Variants in PLCXD1 observed in about 807,000 individuals in gnomAD.
The protein encoded by PLCXD1 is PI-PLC X domain-containing protein 1.
In PLCXD1, 45 loss-of-function variants were observed where a neutral mutation model predicts 37.8. The observed-to-expected ratio is 1.19, with a 90% CI of 0.94 to 1.53. PLCXD1 has a LOEUF of 1.53. PLCXD1 is among the 40% of genes most tolerant of loss of function. The pLI is 0.00. For synonymous variants in PLCXD1, 246 were observed against 206.9 expected (o/e 1.19, Z -1.62); for missense variants, 539 against 454.7 (o/e 1.19, Z -1.69).
At chrX:288,990 G>T (rs1374470823) in intron 3 of PLCXD1, 121 bp downstream of exon 3, 1 of 922,734 alleles carries the variant, frequency 1.1e-6, no homozygotes, top group East Asian at 2.5e-5. Flanking sequence ...GGGCTCAGGA[G>T]GCAGGTTCCT....
chrX:293,477 C>T (rs1013433707), intron 6 of PLCXD1, among the ~76,000 whole-genome samples: 6 of 151,938 alleles, frequency 3.9e-5, no homozygotes, highest in South Asian at 4.1e-4. Flanking sequence ...TAAAACTTAG[C>T]GGCCGGGCGC....
chrX:299,517 T>C lies in PLCXD1; in HGVS notation c.*182T>C. 4.9e-6 allele frequency: 3 copies of C among 618,378 alleles called. No individual in the cohort carries two copies. In the South Asian group the frequency reaches 5.8e-5, roughly 12 times the overall value. The allele number at this position is 618,378 out of a possible 1,614,324, so 38.3% of individuals were successfully genotyped here. On this transcript the variant is annotated 3_prime_UTR_variant, in exon 7 of 7. Transcript: ENST00000381657. ...GACTTCGCCTGTCTTCCCAGCACTTTGGGAGGCCGAGGTGGGTGGATCATG... is the reference window on the plus strand; with the variant it reads ...GACTTCGCCTGTCTTCCCAGCACTTCGGGAGGCCGAGGTGGGTGGATCATG...
chrX:302,362 G>T lies in PLCXD1; in HGVS notation c.*3027G>T, dbSNP rs1245226603. On this transcript the variant is annotated 3_prime_UTR_variant, in exon 7 of 7. Coordinates refer to ENST00000381657, the MANE Select transcript of PLCXD1 (RefSeq NM_018390.4). ...TTCTTTCTGCCTCTGAAGCGTGAAC[G>T]GTCCTAGTTTCAGACGCAGATCCTG... 1 of 152,060 alleles carries T rather than the reference G, an allele frequency of 6.6e-6. No individual in the cohort carries two copies. Among genetic ancestry groups the T allele is most frequent in the Non-Finnish European group, 1.5e-5 (1 of 68,024 alleles). 9.4% of individuals were successfully genotyped at this position (152,060 alleles called of 1,614,324 possible).
At chrX:277,190 G>T (rs145143187), upstream of PLCXD1, among the ~76,000 whole-genome samples, 1 of 143,652 alleles carries the variant, frequency 7.0e-6, no homozygotes. Flanking sequence ...GGAAGGCGTC[G>T]GGGGACCTGG....
At position 302,523 on chromosome X, in the gene PLCXD1, A is replaced by T. The variant is rs1242557513; in HGVS notation, c.*3188A>T. ...ATTCTCCTGCCTCAGCCTCCCGAGG[A>T]GCTGAGATTACAGGCGCGTGCCACC... is the stretch of plus-strand genomic sequence containing the variant. On this transcript the variant is annotated 3_prime_UTR_variant, in exon 7 of 7. Transcript: ENST00000381657. 6.6e-6 allele frequency: 1 copy of T among 151,868 alleles called. No homozygotes were observed. 9.4% of individuals were successfully genotyped at this position (151,868 alleles called of 1,614,324 possible).
upstream of PLCXD1, among the ~76,000 whole-genome samples, chrX:278,379 GAC>G (rs2054757631): frequency 6.6e-6 from 1 of 152,118 alleles, no homozygotes; most frequent in Non-Finnish European, 1.5e-5. Context: ...TGTCCTAGGA[GAC>G]ACTGATTTCC....
chrX:281,243 G>A, upstream of PLCXD1: 1 of 229,976 alleles, frequency 4.3e-6, no homozygotes, highest in South Asian at 4.6e-5. Flanking sequence ...TGGGGACCCG[G>A]AGCCGCGGTA....
chrX:285,038 A>G (rs2069400866), intron 2 of PLCXD1, among the ~76,000 whole-genome samples: 1 of 152,250 alleles, frequency 6.6e-6, no homozygotes, highest in East Asian at 1.9e-4. Flanking sequence ...TTGGGTGGGG[A>G]CACAGCCGAG....
intron 6 of PLCXD1, among the ~76,000 whole-genome samples, chrX:294,686 C>T (rs995356567): frequency 1.3e-5 from 2 of 151,992 alleles, no homozygotes; most frequent in African/African-American, 4.8e-5. Context: ...CGCCTATAAT[C>T]CCAGCTACTC....
Position 284,292 on chromosome X carries a change from C to CCTCCACCA in PLCXD1, c.107_114dup (p.Leu39SerfsTer13). ...TGTGTCCCCGGCTCTGGGATGTGCC[C>CCTCCACCA]CTCCACCACCTCTCCATCCCAGGTG... On this transcript the variant is annotated frameshift_variant, in exon 2 of 7. Transcript: ENST00000381657. LOFTEE classifies it high-confidence loss of function. The CCTCCACCA allele has an allele frequency of 6.2e-7, 1 of 1,613,346 alleles. No homozygotes were observed. Among genetic ancestry groups the CCTCCACCA allele is most frequent in the Non-Finnish European group, 8.5e-7 (1 of 1,179,842 alleles).
At chrX:292,348 A>G (rs891602835) in intron 5 of PLCXD1, among the ~76,000 whole-genome samples, 3 of 151,822 alleles carry the variant, frequency 2.0e-5, no homozygotes, top group African/African-American at 7.3e-5. Flanking sequence ...AGTCCCAGCT[A>G]CTCGGGAGGC....
upstream of PLCXD1, among the ~76,000 whole-genome samples, chrX:279,351 G>A (rs1168160751): frequency 2.0e-5 from 3 of 152,342 alleles, no homozygotes; most frequent in East Asian, 5.8e-4. Context: ...GGGTGATAAT[G>A]GCTGAGCTTC....
rs1192871235 is a variant in PLCXD1, at chrX:302,424, CCT to C, written c.*3092_*3093del. 2 of 148,116 alleles carry C rather than the reference CCT, an allele frequency of 1.4e-5. No homozygotes were observed. The highest frequency in any genetic ancestry group is 6.7e-5 in the Admixed American group (1 of 15,004). The allele number at this position is 148,116 out of a possible 1,614,324, so 9.2% of individuals were successfully genotyped here. ...TTTTGTTTTTTTGAGATGGATTTTC[CCT>C]CTTGTTGTTCAGGCTGGAGTGCAAT... On this transcript the variant is annotated 3_prime_UTR_variant, in exon 7 of 7. Transcript: ENST00000381657.
chrX:290,599 C>G (rs772993520), intron 3 of PLCXD1, 49 bp from the exon 4 acceptor site: 3 of 1,607,310 alleles, frequency 1.9e-6, no homozygotes, highest in Admixed American at 3.3e-5. Context: ...CTGAGCCCCC[C>G]AGACGCGGCG....
At chrX:282,628 C>T (rs1358387191) in intron 1 of PLCXD1, among the ~76,000 whole-genome samples, 1 of 150,722 alleles carries the variant, frequency 6.6e-6, no homozygotes. Context: ...TTGCTTGAAC[C>T]TGGGAGGCGG....
intron 6 of PLCXD1, among the ~76,000 whole-genome samples, chrX:295,063 G>A (rs111778669): frequency 0.071 from 10,702 of 150,900 alleles, 467 homozygotes; most frequent in Non-Finnish European, 0.097. Context: ...CCAGCTCCTC[G>A]GGAGGCTGAG....
At chrX:294,281 G>A (rs753966673) in intron 6 of PLCXD1, among the ~76,000 whole-genome samples, 1 of 152,200 alleles carries the variant, frequency 6.6e-6, no homozygotes, top group African/African-American at 2.4e-5. Flanking sequence ...AGGAGATCGA[G>A]ACCATCCCGG....
intron 3 of PLCXD1, among the ~76,000 whole-genome samples, chrX:289,597 C>T (rs1329944583): frequency 3.3e-5 from 5 of 150,164 alleles, no homozygotes; most frequent in African/African-American, 9.8e-5. Context: ...CTGCAAGCTC[C>T]GCCTCCCGGG....
chrX:300,096 C>G lies in PLCXD1; in HGVS notation c.*761C>G, dbSNP rs1198535079. 6.6e-6 allele frequency: 1 copy of G among 151,786 alleles called. No individual in the cohort carries two copies. The highest frequency in any genetic ancestry group is 1.9e-4 in the East Asian group (1 of 5,198). The allele number at this position is 151,786 out of a possible 1,614,324, so 9.4% of individuals were successfully genotyped here. ...AAAGATGGGGTCTCTCTATGTTGGC[C>G]AGGTTGGTCTTGAACTCCTGGCCTC... On this transcript the variant is annotated 3_prime_UTR_variant, in exon 7 of 7. Transcript: ENST00000381657.
Sources: gnomAD v4.1 joint callset for allele counts (sites outside exome capture counted in the v4.1 genomes callset) on GRCh38, gnomAD v4.1.1 for gene constraint, MANE v1.5 for transcripts, NCBI Gene and HGNC (gene_info 2026-07-23, HGNC 2026-07-21) for gene names.